FGFR2: variants seen among roughly 807,000 people sequenced by gnomAD.
FGFR2 encodes fibroblast growth factor receptor 2.
A neutral mutation model predicts 95.9 loss-of-function variants in FGFR2; 19 were observed. The ratio of observed to expected loss-of-function variants is 0.20; its 90% confidence interval spans 0.14 to 0.29. FGFR2 has a LOEUF of 0.29. Among genes scored for constraint, FGFR2 ranks in the 10% least tolerant of loss-of-function variants. The probability of loss-of-function intolerance (pLI) is 1.00; values close to 1 mark genes in which losing one functional copy is unlikely to be tolerated. For synonymous variants in FGFR2, 392 were observed against 393.3 expected, an observed-to-expected ratio of 1.00 and a Z score of 0.04; for missense variants, 707 against 1,056.9, an observed-to-expected ratio of 0.67 and a Z score of 4.59.
chr10:121,555,310 T>A (rs1335021527), intron 4 of FGFR2, among the ~76,000 whole-genome samples: 1 of 151,808 alleles, frequency 6.6e-6, no homozygotes, highest in Non-Finnish European at 1.5e-5. Context: ...GAGGCAGAGG[T>A]TGCAGTGAGC....
chr10:121,543,984 T>C (rs1475930370), intron 5 of FGFR2, among the ~76,000 whole-genome samples: 3 of 152,232 alleles, frequency 2.0e-5, no homozygotes, highest in Non-Finnish European at 4.4e-5. Context: ...TTTTTGCTTT[T>C]GCAAAACAGA....
chr10:121,520,528 T>C (rs970902617), intron 6 of FGFR2, among the ~76,000 whole-genome samples: 2 of 152,216 alleles, frequency 1.3e-5, no homozygotes, highest in African/African-American at 4.8e-5. Context: ...CTATTTGAGA[T>C]AATCTCAAAA....
intron 5 of FGFR2, among the ~76,000 whole-genome samples, chr10:121,547,621 T>C (rs1291402219): frequency 6.6e-6 from 1 of 152,100 alleles, no homozygotes; most frequent in Non-Finnish European, 1.5e-5. Flanking sequence ...GGTCTTGTGC[T>C]CCTGGCCTCA....
intron 2 of FGFR2, among the ~76,000 whole-genome samples, chr10:121,590,989 G>GCACACA (rs746045068): frequency 6.7e-5 from 10 of 148,824 alleles, no homozygotes; most frequent in Middle Eastern, 3.5e-3. Context: ...GCGCACTCGC[G>GCACACA]CACACACACA....
chr10:121,556,235 A>G (rs1018745621), intron 4 of FGFR2, among the ~76,000 whole-genome samples: 3 of 152,154 alleles, frequency 2.0e-5, no homozygotes, highest in Admixed American at 2.0e-4. Flanking sequence ...CTTTCCAGGT[A>G]TCTATGTGCT....
chr10:121,483,623 G>T, intron 17 of FGFR2, 75 bp downstream of exon 17: 2 of 1,034,046 alleles, frequency 1.9e-6, no homozygotes, highest in Non-Finnish European at 3.0e-6. Flanking sequence ...GCCAACAGGG[G>T]AGTGTGTGTG....
At position 121,487,408 on chromosome 10, in the gene FGFR2, T is replaced by C; in HGVS notation, c.2003A>G (p.Lys668Arg). 6.2e-7 allele frequency: 1 copy of C among 1,614,132 alleles called. No individual in the cohort carries two copies. Among genetic ancestry groups the C allele is most frequent in the Non-Finnish European group, 8.5e-7 (1 of 1,179,986 alleles). The change falls in exon 15 of 18, where the codon AAG becomes AGG. Residue 668 changes from lysine to arginine, a missense_variant. Lys to Arg is a conservative substitution (Grantham distance 26). This residue lies in a region of FGFR2 where 104 missense variants were observed against 214.2 expected (regional missense o/e 0.49). Transcript: ENST00000358487. ...KKTTNGRLPV[K>R]WMAPEALFDR... is the part of the protein sequence containing the mutation. ...AAACAGGGCTTCTGGAGCCATCCACTTGACTGGAAGCCGCCCCTGCAAATG... is the reference window on the plus strand; with the variant it reads ...AAACAGGGCTTCTGGAGCCATCCACCTGACTGGAAGCCGCCCCTGCAAATG...
intron 9 of FGFR2, among the ~76,000 whole-genome samples, chr10:121,510,331 G>A (rs1848891835): frequency 6.6e-6 from 1 of 152,146 alleles, no homozygotes; most frequent in African/African-American, 2.4e-5. Flanking sequence ...TCAGATCTTG[G>A]GCAAACTGTC....
chr10:121,531,431 A>G lies in FGFR2; in HGVS notation c.748+7161T>C, dbSNP rs962494496. On this transcript the variant is annotated intron_variant, in intron 6 of 17. Coordinates refer to ENST00000358487, the MANE Select transcript of FGFR2 (RefSeq NM_000141.5). The surrounding 1 kb of genome is among the most constrained non-coding windows in gnomAD (Gnocchi z 4.5). Reference sequence around the variant, plus strand: ...GCTTTGTAGCAATCAAAAGCTCATTAAACAGTAGCTACCAAAGGAAGTTTT... The same window carrying G: ...GCTTTGTAGCAATCAAAAGCTCATTGAACAGTAGCTACCAAAGGAAGTTTT... 2 of 152,206 alleles carry G rather than the reference A, an allele frequency of 1.3e-5. No homozygotes were observed. Among genetic ancestry groups the G allele is most frequent in the Non-Finnish European group, 2.9e-5 (2 of 68,054 alleles). The allele number at this position is 152,206 out of a possible 1,614,324, so 9.4% of individuals were successfully genotyped here. A position where few individuals can be genotyped will look rare whatever the true frequency, so the allele number is the denominator to read the frequency against.
chr10:121,528,705 T>C (rs972159912), intron 6 of FGFR2, among the ~76,000 whole-genome samples: 2 of 152,080 alleles, frequency 1.3e-5, no homozygotes, highest in East Asian at 3.8e-4. Flanking sequence ...AAACTGAAAA[T>C]AATCACGGTT....
At chr10:121,588,100 G>A (rs1340027022) in intron 2 of FGFR2, among the ~76,000 whole-genome samples, 1 of 152,204 alleles carries the variant, frequency 6.6e-6, no homozygotes, top group Non-Finnish European at 1.5e-5. Flanking sequence ...CAAGAACATG[G>A]ATGGAGCTAG....
intron 9 of FGFR2, among the ~76,000 whole-genome samples, chr10:121,510,584 C>G (rs1241917912): frequency 6.6e-6 from 1 of 152,066 alleles, no homozygotes; most frequent in Non-Finnish European, 1.5e-5. Flanking sequence ...ACATCCATCC[C>G]CCTTCCCGGA....
In FGFR2 at chr10:121,566,013, C is replaced by G. The variant is rs3135731; in HGVS notation, c.110-309G>C. On this transcript the variant is annotated intron_variant, in intron 2 of 17. Coordinates refer to ENST00000358487, the MANE Select transcript of FGFR2 (RefSeq NM_000141.5). ...AAAATGTTTAAATTGATTGCCAAAG[C>G]GTGCTTGCACTGTAATACCTGCAAA... 274 of 472,946 alleles carry G rather than the reference C, an allele frequency of 5.8e-4. 4 individuals carry two copies. Among genetic ancestry groups the G allele is most frequent in the South Asian group, 5.7e-3 (261 of 45,630 alleles). 29.3% of individuals were successfully genotyped at this position (472,946 alleles called of 1,614,324 possible).
At chr10:121,557,166 G>A (rs1856273445) in intron 4 of FGFR2, among the ~76,000 whole-genome samples, 1 of 152,152 alleles carries the variant, frequency 6.6e-6, no homozygotes, top group African/African-American at 2.4e-5. Flanking sequence ...TTAGCCCATG[G>A]GAATTCCCAA....
At chr10:121,498,679 G>T in intron 11 of FGFR2, 74 bp from the exon 12 acceptor site, 1 of 1,228,802 alleles carries the variant, frequency 8.1e-7, no homozygotes, top group Non-Finnish European at 1.2e-6. Flanking sequence ...AGTTGCCAAA[G>T]ACTTAGTTGA....
intron 5 of FGFR2, among the ~76,000 whole-genome samples, chr10:121,539,064 G>A (rs1388866371): frequency 2.0e-5 from 3 of 152,212 alleles, no homozygotes; most frequent in East Asian, 1.9e-4. Flanking sequence ...ACGGGCAGGC[G>A]AGCTACCAGT....
intron 13 of FGFR2, 56 bp from the exon 14 acceptor site, chr10:121,488,169 A>G (rs1181287334): frequency 6.2e-7 from 1 of 1,603,380 alleles, no homozygotes; most frequent in Non-Finnish European, 8.5e-7. Context: ...CGCCAGAACA[A>G]AAAGGAAATA....
chr10:121,571,465 T>TTTG (rs909849941), intron 2 of FGFR2, among the ~76,000 whole-genome samples: 5 of 151,316 alleles, frequency 3.3e-5, no homozygotes, highest in Middle Eastern at 3.2e-3. Flanking sequence ...GCCTGGGAAT[T>TTTG]TTGTTGTTGT....
At chr10:121,595,497 T>TGGTGTGTGCGTGCAC (rs1294142477) in intron 1 of FGFR2, among the ~76,000 whole-genome samples, 5 of 152,068 alleles carry the variant, frequency 3.3e-5, no homozygotes, top group African/African-American at 1.2e-4. Flanking sequence ...TGTGTGTACA[T>TGGTGTGTGCGTGCAC]GGTGTGTGCG....
Sources: gnomAD v4.1 joint callset for allele counts (sites outside exome capture counted in the v4.1 genomes callset) on GRCh38, gnomAD v4.1.1 for gene constraint, gnomAD v4.1.1 regional missense constraint, Gnocchi (gnomAD v3.1) non-coding constraint, MANE v1.5 for transcripts, NCBI Gene and HGNC (gene_info 2026-07-23, HGNC 2026-07-21) for gene names.